MEGF6: variants seen among roughly 807,000 people sequenced by gnomAD.
MEGF6 encodes multiple epidermal growth factor-like domains protein 6.
Under a neutral mutation model 207.1 loss-of-function variants are expected in MEGF6, and 184 were observed. That is an observed-to-expected ratio of 0.89 (90% CI 0.79 to 1.00). The LOEUF (loss-of-function observed/expected upper bound fraction) is 1.00, where lower values mean the gene tolerates loss of function less well. Among genes scored for constraint, MEGF6 ranks in the 50% least tolerant of loss-of-function variants. The pLI is 0.00. For synonymous variants in MEGF6, 1,038 were observed against 910.0 expected, an observed-to-expected ratio of 1.14 and a Z score of -2.53; for missense variants, 2,282 against 2,202.9, an observed-to-expected ratio of 1.04 and a Z score of -0.72.
intron 25 of MEGF6, 21 bp downstream of exon 25, chr1:3,498,677 C>T (rs751681224): frequency 8.0e-5 from 124 of 1,543,244 alleles, no homozygotes; most frequent in Non-Finnish European, 9.8e-5. Context: ...GTATGTCCCT[C>T]CTCTGCCGCC....
rs781261928 is a variant in MEGF6 at position 3,494,410 on chromosome 1, G to A, written c.4090C>T (p.Arg1364Cys). ...TGGCCATAGAAGCCGGGGCCGCAGCGGCAGGTGCCCGTGGCAGGCTCACAC... is the reference window on the plus strand; with the variant it reads ...TGGCCATAGAAGCCGGGGCCGCAGCAGCAGGTGCCCGTGGCAGGCTCACAC... ...STCEPATGTCRCGPGFYGQAC... is the reference protein window; with the variant it reads ...STCEPATGTCCCGPGFYGQAC... Residue 1364 changes from arginine (R) to cysteine (C), a missense_variant, in exon 32 of 37, where the codon CGC becomes TGC. Physicochemically the swap from Arg to Cys is radical, Grantham distance 180. Coordinates refer to ENST00000356575, the MANE Select transcript of MEGF6 (RefSeq NM_001409.4). 31 of 1,549,678 alleles carry A rather than the reference G, an allele frequency of 2.0e-5. No homozygotes were observed. Among genetic ancestry groups the A allele is most frequent in the South Asian group, 5.9e-5 (5 of 84,490 alleles).
At chr1:3,580,074 C>T in intron 3 of MEGF6, 145 bp from the exon 4 acceptor site, 2 of 582,016 alleles carry the variant, frequency 3.4e-6, no homozygotes, top group Non-Finnish European at 5.9e-6. Context: ...CACACATTGC[C>T]CGGCCACCAA....
chr1:3,585,753 A>ATGTCCTGTGTGTGAGGACACT (rs1643884793), intron 3 of MEGF6, among the ~76,000 whole-genome samples: 1 of 121,722 alleles, frequency 8.2e-6, no homozygotes, highest in African/African-American at 3.3e-5. Flanking sequence ...TGAGTGACAC[A>ATGTCCTGTGTGTGAGGACACT]TGTCCTGTGT....
At chr1:3,548,818 G>T (rs998045751) in intron 4 of MEGF6, among the ~76,000 whole-genome samples, 2 of 152,154 alleles carry the variant, frequency 1.3e-5, no homozygotes, top group African/African-American at 4.8e-5. Context: ...CACCCACCCC[G>T]ACCCTGCTAG....
At chr1:3,570,568 A>G (rs1314618850) in intron 4 of MEGF6, among the ~76,000 whole-genome samples, 2 of 152,330 alleles carry the variant, frequency 1.3e-5, no homozygotes, top group East Asian at 3.9e-4. Context: ...CTTCCGGCCC[A>G]GGTGCCAGGT....
chr1:3,579,350 C>T (rs1643735077), intron 4 of MEGF6, among the ~76,000 whole-genome samples: 2 of 152,376 alleles, frequency 1.3e-5, no homozygotes, highest in Non-Finnish European at 2.9e-5. Flanking sequence ...CCTGCTTCAA[C>T]CTGGTCTTCA....
Position 3,515,317 on chromosome 1 carries a change from G to A in MEGF6, c.730+85C>T, listed in dbSNP as rs1255844907. ...TCAGCAGCCTTGGGGGCCTCCTGAA[G>A]ACCCACTTCCACCCAACAGCCCAGG... On this transcript the variant is annotated intron_variant, in intron 6 of 36. Coordinates refer to ENST00000356575, the MANE Select transcript of MEGF6 (RefSeq NM_001409.4). 3.4e-6 allele frequency: 5 copies of A among 1,484,120 alleles called. No homozygotes were observed. The South Asian group carries it at 5.1e-5, about 15-fold the overall frequency. The allele number at this position is 1,484,120 out of a possible 1,614,324, so 91.9% of individuals were successfully genotyped here.
chr1:3,506,993 C>T (rs1641143844), intron 14 of MEGF6, among the ~76,000 whole-genome samples: 2 of 152,224 alleles, frequency 1.3e-5, no homozygotes, highest in African/African-American at 2.4e-5. Flanking sequence ...AGGGGTGCAG[C>T]ACCCAGGAAT....
chr1:3,596,725 C>T (rs1644074417), intron 2 of MEGF6, among the ~76,000 whole-genome samples: 1 of 151,108 alleles, frequency 6.6e-6, no homozygotes, highest in Non-Finnish European at 1.5e-5. Context: ...CTGCCCAGCC[C>T]CCGTCTCCAC....
intron 17 of MEGF6, among the ~76,000 whole-genome samples, chr1:3,502,345 G>A (rs1245507017): frequency 1.3e-5 from 2 of 152,146 alleles, no homozygotes; most frequent in African/African-American, 4.8e-5. Flanking sequence ...CTCCGCCACC[G>A]TAGTCACCAG....
In MEGF6 at chr1:3,490,977, C is replaced by A; in HGVS notation, c.4517-18G>T. The A allele has an allele frequency of 6.3e-7, 1 of 1,588,754 alleles. No homozygotes were observed. The highest frequency in any genetic ancestry group is 8.5e-7 in the Non-Finnish European group (1 of 1,170,782). On this transcript the variant is annotated intron_variant, in intron 35 of 36. Transcript: ENST00000356575. The stretch of plus-strand genomic sequence containing the variant: ...GGGCCCACCTGGAGGGGAGAGAGAG[C>A]AGGCCATGTTAGTACCCCCAGCCTT...
chr1:3,579,871 C>G lies in MEGF6; in HGVS notation c.435G>C (p.Gln145His). 6.5e-7 allele frequency: 1 copy of G among 1,542,148 alleles called. No homozygotes were observed. Among genetic ancestry groups the G allele is most frequent in the South Asian group, 1.2e-5 (1 of 80,778 alleles). The change falls in exon 4 of 37, where the codon CAG becomes CAC. Residue 145 changes from glutamine to histidine, a missense_variant. Transcript: ENST00000356575. ...GGAAGCCGGGGGGACAGTGACACGG[C>G]TGGGCTGAGCCTGGCACACAACGGC... ...HGGRCVPGSAQPCHCPPGFQG... is the reference protein window; with the variant it reads ...HGGRCVPGSAHPCHCPPGFQG...
intron 4 of MEGF6, among the ~76,000 whole-genome samples, chr1:3,540,633 T>G (rs1557761960): frequency 6.6e-6 from 1 of 152,314 alleles, no homozygotes; most frequent in East Asian, 1.9e-4. Flanking sequence ...ATGTATGTCT[T>G]ACAGCTCCAG....
chr1:3,618,002 C>T, the MEGF6 span, among the ~76,000 whole-genome samples: 1 of 152,144 alleles, frequency 6.6e-6, no homozygotes, highest in South Asian at 2.1e-4. This position sits in a 1 kb window ranked among gnomAD's most constrained non-coding sequence, Gnocchi z 4.7. Flanking sequence ...AGGAGCGGGG[C>T]CTCCACAGCG....
chr1:3,508,781 G>A lies in MEGF6; in HGVS notation c.1529-92C>T, dbSNP rs192957037. 2,155 of 1,476,840 alleles carry A rather than the reference G, an allele frequency of 1.5e-3. 5 individuals carry two copies. The highest frequency in any genetic ancestry group is 1.9e-3 in the Middle Eastern group (10 of 5,144). 91.5% of individuals were successfully genotyped at this position (1,476,840 alleles called of 1,614,324 possible). ...GCTCAGACCCTCAGGCCAGGGAAGG[G>A]GCATAAGGGGCATCCTCGGCCCATG... On this transcript the variant is annotated intron_variant, in intron 12 of 36. Coordinates refer to ENST00000356575, the MANE Select transcript of MEGF6 (RefSeq NM_001409.4).
chr1:3,582,663 TC>T (rs2101769515), intron 3 of MEGF6, among the ~76,000 whole-genome samples: 1 of 152,146 alleles, frequency 6.6e-6, no homozygotes, highest in African/African-American at 2.4e-5. Context: ...GGCCCCCAGA[TC>T]CTCCCTATTA....
chr1:3,506,444 G>A (rs181469351), intron 14 of MEGF6, among the ~76,000 whole-genome samples: 476 of 152,300 alleles, frequency 3.1e-3, no homozygotes, highest in African/African-American at 1.0e-2. Flanking sequence ...TTTGTGGCAA[G>A]GGCGGGTGGA....
rs1270614902 is a variant in MEGF6, at chr1:3,556,363, A to G, written c.481+23462T>C. Among the ~76,000 whole-genome samples the G allele has an allele frequency of 2.6e-5, 4 of 152,222 alleles. No individual in the cohort carries two copies. The South Asian group carries it at 6.2e-4, about 24-fold the overall frequency. On this transcript the variant is annotated intron_variant, in intron 4 of 36. Coordinates refer to ENST00000356575, the MANE Select transcript of MEGF6 (RefSeq NM_001409.4). The surrounding 1 kb of genome is among the most constrained non-coding windows in gnomAD (Gnocchi z 4.4). ...GAGGTGACAACGTCACACTCATTAC[A>G]TGAAGTTTCATGGTAAGTGGCGCAT...
At chr1:3,606,782 C>A (rs551237854) in intron 1 of MEGF6, among the ~76,000 whole-genome samples, 1 of 152,168 alleles carries the variant, frequency 6.6e-6, no homozygotes, top group Non-Finnish European at 1.5e-5. Context: ...CATAAAAAAA[C>A]GGAAGCCGGG....
Sources: gnomAD v4.1 joint callset for allele counts (sites outside exome capture counted in the v4.1 genomes callset) on GRCh38, gnomAD v4.1.1 for gene constraint, Gnocchi (gnomAD v3.1) non-coding constraint, MANE v1.5 for transcripts, NCBI Gene and HGNC (gene_info 2026-07-23, HGNC 2026-07-21) for gene names.